Variants in RASA1 observed in about 807,000 individuals in gnomAD.
RASA1 encodes the protein RAS p21 protein activator 1.
A neutral mutation model predicts 132.2 loss-of-function variants in RASA1; 25 were observed. The ratio of observed to expected loss-of-function variants is 0.19; its 90% CI spans 0.14 to 0.26. The LOEUF is 0.26. Ranked by LOEUF, RASA1 falls within the 10% of genes least tolerant of loss-of-function variation. The pLI, the probability that RASA1 is intolerant of heterozygous loss-of-function variation, is 1.00. For missense variants in RASA1, 964 were observed against 1,299.2 expected, an observed-to-expected ratio of 0.74 and a Z score of 3.97; for synonymous variants, 477 against 449.9, an observed-to-expected ratio of 1.06 and a Z score of -0.76.
At chr5:87,345,457 T>TTGTA (rs2112411359) in intron 6 of RASA1, among the ~76,000 whole-genome samples, 1 of 152,260 alleles carries the variant, frequency 6.6e-6, no homozygotes, top group African/African-American at 2.4e-5. Flanking sequence ...GCTCTAGCAT[T>TTGTA]TGTAGTAAGT....
At chr5:87,348,050 A>G (rs1358624716) in intron 7 of RASA1, among the ~76,000 whole-genome samples, 1 of 152,014 alleles carries the variant, frequency 6.6e-6, no homozygotes, top group East Asian at 1.9e-4. Context: ...TCTTGCATGA[A>G]ATTCCTATCA....
intron 6 of RASA1, among the ~76,000 whole-genome samples, chr5:87,345,612 A>G (rs1758807036): frequency 6.6e-6 from 1 of 152,166 alleles, no homozygotes. Context: ...AATGCTTGGA[A>G]TGGTGTTAAA....
intron 1 of RASA1, among the ~76,000 whole-genome samples, chr5:87,314,796 C>A (rs922364089): frequency 1.3e-5 from 2 of 151,848 alleles, no homozygotes; most frequent in Non-Finnish European, 2.9e-5. Context: ...ATTGAAAGAT[C>A]CAGTTGCTGG....
rs770426834 is a variant in RASA1, at chr5:87,268,855, C to G, written c.404C>G (p.Pro135Arg). The change falls in exon 1 of 25, where the codon CCC becomes CGC. Residue 135 changes from proline (P) to arginine (R), a missense_variant. This residue lies in a region of RASA1 where 326 missense variants were observed against 275.8 expected (regional missense o/e 1.18). Coordinates refer to ENST00000274376, the MANE Select transcript of RASA1 (RefSeq NM_002890.3). Reference sequence around the variant, plus strand: ...ACTCTCGGGCCAGGCGGCGGTTTTCCCCCTCTGCCCCCTCCCCCTTACCTG... The same window carrying G: ...ACTCTCGGGCCAGGCGGCGGTTTTCGCCCTCTGCCCCCTCCCCCTTACCTG... ...AETLGPGGGF[P>R]PLPPPPYLPP... The G allele has an allele frequency of 2.2e-5, 36 of 1,614,032 alleles. No individual in the cohort carries two copies. In the South Asian group the frequency reaches 3.6e-4, roughly 16 times the overall value.
At chr5:87,381,884 T>G (rs150657581) in intron 20 of RASA1, among the ~76,000 whole-genome samples, 71 of 152,360 alleles carry the variant, frequency 4.7e-4, no homozygotes, top group African/African-American at 1.2e-3. Context: ...CTACTATGTA[T>G]AATTATCACA....
chr5:87,292,889 A>AT (rs1301451778), intron 1 of RASA1, among the ~76,000 whole-genome samples: 1 of 151,936 alleles, frequency 6.6e-6, no homozygotes, highest in East Asian at 1.9e-4. Context: ...TAAGTATTTC[A>AT]TTTTTTGGTT....
At chr5:87,269,163 A>T (rs1457868431) in intron 1 of RASA1, 173 bp downstream of exon 1, 1 of 1,612,290 alleles carries the variant, frequency 6.2e-7, no homozygotes, top group Non-Finnish European at 8.5e-7. Context: ...CCTTACAGGC[A>T]TACTACCTGG....
chr5:87,269,115 G>C, intron 1 of RASA1, 125 bp downstream of exon 1: 3 of 1,613,610 alleles, frequency 1.9e-6, no homozygotes, highest in Non-Finnish European at 2.5e-6. Flanking sequence ...TGAAGTTTCA[G>C]GTTTCTTGGG....
At chr5:87,378,673 T>A in intron 18 of RASA1, 135 bp downstream of exon 18, 1 of 897,428 alleles carries the variant, frequency 1.1e-6, no homozygotes, top group Non-Finnish European at 1.7e-6. Flanking sequence ...CACCTGTCTG[T>A]AATACATTTA....
chr5:87,376,685 G>T, intron 16 of RASA1, 120 bp downstream of exon 16: 1 of 1,332,382 alleles, frequency 7.5e-7, no homozygotes, highest in South Asian at 1.3e-5. Flanking sequence ...TGATGCCAGA[G>T]ATTTTAAACC....
At position 87,274,666 on chromosome 5, in the gene RASA1, A is replaced by C. The variant is rs180992638; in HGVS notation, c.539+5676A>C. ...CTGTGATTCAGGCTAGGTTAAGATA[A>C]ATATCACGAGTGAAGTATGAGCAAA... On this transcript the variant is annotated intron_variant, in intron 1 of 24. Transcript: ENST00000274376. 5.9e-5 allele frequency among the ~76,000 whole-genome samples: 9 copies of C among 152,336 alleles called. No homozygotes were observed. In the East Asian group the frequency reaches 1.7e-3, roughly 29 times the overall value.
intron 12 of RASA1, 49 bp downstream of exon 12, chr5:87,369,949 G>A: frequency 6.9e-7 from 1 of 1,446,244 alleles, no homozygotes; most frequent in East Asian, 2.3e-5. Flanking sequence ...GTTAGCCCAT[G>A]TTTTCTTATT....
intron 1 of RASA1, among the ~76,000 whole-genome samples, chr5:87,296,318 G>T (rs530558059): frequency 2.6e-5 from 4 of 151,982 alleles, no homozygotes; most frequent in Non-Finnish European, 5.9e-5. Context: ...ATAGGCATAC[G>T]CAAGCAGATA....
intron 1 of RASA1, among the ~76,000 whole-genome samples, chr5:87,309,363 T>C (rs1755764392): frequency 6.6e-6 from 1 of 152,128 alleles, no homozygotes; most frequent in Non-Finnish European, 1.5e-5. Context: ...AGTAGGGCAC[T>C]GGAGAGGAGA....
In RASA1 at chr5:87,268,617, G is replaced by C. The variant is rs1286145209; in HGVS notation, c.166G>C (p.Gly56Arg). ...AAPYPGLVETGVAGTLGGGAA... is the reference protein window; with the variant it reads ...AAPYPGLVETRVAGTLGGGAA... Reference sequence around the variant, plus strand: ...CCCCTATCCTGGGCTGGTGGAGACCGGAGTGGCTGGAACTCTGGGTGGCGG... The same window carrying C: ...CCCCTATCCTGGGCTGGTGGAGACCCGAGTGGCTGGAACTCTGGGTGGCGG... Residue 56 changes from glycine (G) to arginine (R), a missense_variant, in exon 1 of 25, where the codon GGA becomes CGA. Physicochemically the swap from Gly to Arg is moderately radical, Grantham distance 125 (BLOSUM62 -2). This residue lies in a region of RASA1 where 326 missense variants were observed against 275.8 expected (regional missense o/e 1.18). Coordinates refer to ENST00000274376, the MANE Select transcript of RASA1 (RefSeq NM_002890.3). 1 of 1,611,830 alleles carries C rather than the reference G, an allele frequency of 6.2e-7. No homozygotes were observed. Among genetic ancestry groups the C allele is most frequent in the East Asian group, 2.2e-5 (1 of 44,814 alleles).
chr5:87,354,028 C>A (rs1759472387), intron 9 of RASA1, among the ~76,000 whole-genome samples: 1 of 151,974 alleles, frequency 6.6e-6, no homozygotes, highest in South Asian at 2.1e-4. Context: ...GTTTTGGGTA[C>A]CCAGCTGCAA....
chr5:87,391,010 A>G lies in RASA1; in HGVS notation c.*127A>G. 1 of 948,348 alleles carries G rather than the reference A, an allele frequency of 1.1e-6. No homozygotes were observed. Among genetic ancestry groups the G allele is most frequent in the South Asian group, 1.4e-5 (1 of 72,688 alleles). 58.7% of individuals were successfully genotyped at this position (948,348 alleles called of 1,614,324 possible). On this transcript the variant is annotated 3_prime_UTR_variant, in exon 25 of 25. Transcript: ENST00000274376. ...TCCACATTCCAGTGATGTGTGAGCT[A>G]TGCAAACAAAATCCAAGATTCTGCT...
chr5:87,287,130 C>T (rs1754628717), intron 1 of RASA1, among the ~76,000 whole-genome samples: 2 of 133,814 alleles, frequency 1.5e-5, no homozygotes, highest in Non-Finnish European at 1.6e-5. Context: ...ATATACACAC[C>T]ATATATATAT....
intron 9 of RASA1, among the ~76,000 whole-genome samples, chr5:87,354,345 G>A (rs2112434693): frequency 6.6e-6 from 1 of 152,192 alleles, no homozygotes; most frequent in East Asian, 1.9e-4. Flanking sequence ...GTGCTCATTT[G>A]TGTCTTAGTG....
Sources: allele counts gnomAD v4.1 joint callset (sites outside exome capture counted in the v4.1 genomes callset), GRCh38; gene constraint gnomAD v4.1.1; regional missense constraint gnomAD v4.1.1; transcripts MANE v1.5; gene names NCBI Gene and HGNC (gene_info 2026-07-23, HGNC 2026-07-21).